Variants in LRRC4C observed in about 807,000 individuals in gnomAD.
LRRC4C encodes leucine-rich repeat-containing protein 4C.
In LRRC4C, 5 loss-of-function variants were observed where a neutral mutation model predicts 33.6. That is an observed-to-expected ratio of 0.15 (90% CI 0.08 to 0.31). The LOEUF is 0.31. LRRC4C is among the 10% of genes least tolerant of loss of function. The pLI is 1.00. For synonymous variants in LRRC4C, 329 were observed against 302.0 expected (o/e 1.09, Z -0.93); for missense variants, 560 against 796.7 (o/e 0.70, Z 3.58).
intron 3 of LRRC4C, among the ~76,000 whole-genome samples, chr11:40,505,779 C>G (rs1405306635): frequency 6.6e-6 from 1 of 152,102 alleles, no homozygotes; most frequent in East Asian, 1.9e-4. Flanking sequence ...GAAATGGGAG[C>G]TCGAAGCCCA....
intron 3 of LRRC4C, among the ~76,000 whole-genome samples, chr11:40,644,940 C>T (rs905553054): frequency 6.8e-6 from 1 of 146,032 alleles, no homozygotes; most frequent in African/African-American, 2.5e-5. Flanking sequence ...CACTCGGGAT[C>T]TCTGTGTTTT....
At chr11:40,769,335 C>A (rs905984765) in intron 2 of LRRC4C, among the ~76,000 whole-genome samples, 4 of 151,894 alleles carry the variant, frequency 2.6e-5, no homozygotes, top group Non-Finnish European at 5.9e-5. Flanking sequence ...GAAAAAGACA[C>A]CAAAAAGTGG....
At chr11:40,223,945 G>A (rs963846810) in intron 5 of LRRC4C, among the ~76,000 whole-genome samples, 2 of 152,042 alleles carry the variant, frequency 1.3e-5, no homozygotes, top group African/African-American at 2.4e-5. Context: ...TTTTAAAAAG[G>A]TTTTTCATTT....
intron 3 of LRRC4C, among the ~76,000 whole-genome samples, chr11:40,439,023 C>T (rs575743958): frequency 6.7e-5 from 10 of 149,574 alleles, no homozygotes; most frequent in Admixed American, 4.0e-4. Context: ...CTCCGCCTCC[C>T]GGGTTCACGC....
intron 3 of LRRC4C, among the ~76,000 whole-genome samples, chr11:40,602,462 T>C (rs568813994): frequency 1.1e-4 from 17 of 152,162 alleles, no homozygotes; most frequent in Non-Finnish European, 1.9e-4. Flanking sequence ...AAAAGGGGTA[T>C]ATTTTTAGAC....
chr11:40,604,236 T>C (rs1014377785), intron 3 of LRRC4C, among the ~76,000 whole-genome samples: 1 of 152,188 alleles, frequency 6.6e-6, no homozygotes, highest in Non-Finnish European at 1.5e-5. Context: ...GTTTCCAGTA[T>C]GATAGCTTTC....
At chr11:41,163,284 G>GTTTTTTTTATTTTTTTTTTTTTTTT (rs1944557446) in intron 1 of LRRC4C, among the ~76,000 whole-genome samples, 1 of 73,382 alleles carries the variant, frequency 1.4e-5, no homozygotes, top group Non-Finnish European at 2.4e-5. Flanking sequence ...TACTGTAACT[G>GTTTTTTTTATTTTTTTTTTTTTTTT]TTTTTTTTTT....
At chr11:40,214,212 T>C (rs1339025176) in intron 5 of LRRC4C, among the ~76,000 whole-genome samples, 2 of 152,196 alleles carry the variant, frequency 1.3e-5, no homozygotes, top group African/African-American at 4.8e-5. Flanking sequence ...CATGTACTTA[T>C]GTAAATCCTG....
At chr11:40,722,984 C>G (rs1044765197) in intron 2 of LRRC4C, among the ~76,000 whole-genome samples, 2 of 152,002 alleles carry the variant, frequency 1.3e-5, no homozygotes, top group African/African-American at 2.4e-5. Flanking sequence ...ACAGATGAGA[C>G]CAAGCAGGGG....
At chr11:40,467,116 C>A (rs560253669) in intron 3 of LRRC4C, among the ~76,000 whole-genome samples, 3 of 152,156 alleles carry the variant, frequency 2.0e-5, no homozygotes, top group African/African-American at 7.2e-5. Context: ...GACCTCTCAA[C>A]CTTTACTTTG....
chr11:40,188,269 A>G (rs558424439), intron 5 of LRRC4C, among the ~76,000 whole-genome samples: 21 of 152,332 alleles, frequency 1.4e-4, no homozygotes, highest in African/African-American at 5.1e-4. Flanking sequence ...TTGGTCCTAC[A>G]ACCTTAAATT....
intron 3 of LRRC4C, among the ~76,000 whole-genome samples, chr11:40,512,289 G>T (rs990540417): frequency 2.0e-5 from 3 of 152,124 alleles, no homozygotes; most frequent in African/African-American, 7.2e-5. Flanking sequence ...TGAGAGAATT[G>T]CTTCAACCCT....
intron 5 of LRRC4C, among the ~76,000 whole-genome samples, chr11:40,239,906 C>G (rs1865817010): frequency 6.6e-6 from 1 of 152,176 alleles, no homozygotes; most frequent in Non-Finnish European, 1.5e-5. Context: ...TAAAACCTTC[C>G]TACACAAAGT....
intron 4 of LRRC4C, among the ~76,000 whole-genome samples, chr11:40,268,640 C>T (rs901735000): frequency 6.6e-6 from 1 of 151,574 alleles, no homozygotes. Flanking sequence ...AACATCAAAC[C>T]GTAGCACTGG....
chr11:40,753,817 A>G (rs1236322846), intron 2 of LRRC4C, among the ~76,000 whole-genome samples: 1 of 152,048 alleles, frequency 6.6e-6, no homozygotes, highest in Non-Finnish European at 1.5e-5. Flanking sequence ...TCAAATGACC[A>G]GCAGGTATAT....
At chr11:40,369,538 A>AT (rs1184049415) in intron 3 of LRRC4C, among the ~76,000 whole-genome samples, 9 of 152,116 alleles carry the variant, frequency 5.9e-5, no homozygotes, top group Non-Finnish European at 1.3e-4. Context: ...GGGTTTCTTC[A>AT]TCTTGGTCAG....
At chr11:41,151,587 A>G (rs1261793377) in intron 1 of LRRC4C, among the ~76,000 whole-genome samples, 1 of 152,148 alleles carries the variant, frequency 6.6e-6, no homozygotes, top group Non-Finnish European at 1.5e-5. Context: ...GGGGAATCTC[A>G]CTAAAGGAAA....
intron 2 of LRRC4C, among the ~76,000 whole-genome samples, chr11:40,653,805 T>A (rs2136166669): frequency 6.6e-6 from 1 of 152,264 alleles, no homozygotes; most frequent in African/African-American, 2.4e-5. Flanking sequence ...TCAGAGGTCT[T>A]CATGGCAGCC....
intron 3 of LRRC4C, among the ~76,000 whole-genome samples, chr11:40,454,321 T>C (rs183248182): frequency 8.3e-4 from 127 of 152,296 alleles, no homozygotes; most frequent in Non-Finnish European, 1.5e-3. Context: ...CACTCACTTG[T>C]ACTGTATTAT....
Sources: allele counts gnomAD v4.1 joint callset (sites outside exome capture counted in the v4.1 genomes callset), GRCh38; gene constraint gnomAD v4.1.1; transcripts MANE v1.5; gene names NCBI Gene and HGNC (gene_info 2026-07-23, HGNC 2026-07-21).